UBQLN1: variants seen among roughly 807,000 people sequenced by gnomAD.
UBQLN1 encodes ubiquilin 1.
A neutral mutation model predicts 65.4 loss-of-function variants in UBQLN1; 13 were observed. The observed-to-expected ratio is 0.20, with a 90% CI of 0.13 to 0.32. The LOEUF is 0.32. Ranked by LOEUF, UBQLN1 falls within the 10% of genes least tolerant of loss-of-function variation. UBQLN1 has a pLI of 1.00. For synonymous variants in UBQLN1, 267 were observed against 247.8 expected (o/e 1.08, Z -0.73); for missense variants, 561 against 724.0 (o/e 0.77, Z 2.58).
intron 8 of UBQLN1, chr9:83,665,370 A>T (rs1444393894): frequency 5.2e-6 from 2 of 381,978 alleles, no homozygotes; most frequent in Admixed American, 4.5e-5. Flanking sequence ...CATGAAAGCC[A>T]TTTCCATAAT....
intron 3 of UBQLN1, 115 bp downstream of exon 3, chr9:83,682,836 T>A (rs912259670): frequency 2.7e-5 from 14 of 511,850 alleles, no homozygotes; most frequent in Middle Eastern, 5.1e-4. Flanking sequence ...TTTTTTTTTT[T>A]AATTTTTGTT....
intron 1 of UBQLN1, among the ~76,000 whole-genome samples, chr9:83,706,132 A>G (rs1405790635): frequency 6.6e-6 from 1 of 152,204 alleles, no homozygotes; most frequent in Non-Finnish European, 1.5e-5. Context: ...ACGTCAAAAA[A>G]ACGTAAAAAA....
chr9:83,683,146 C>T, intron 2 of UBQLN1, 80 bp from the exon 3 acceptor site: 1 of 969,150 alleles, frequency 1.0e-6, no homozygotes, highest in Non-Finnish European at 1.6e-6. Flanking sequence ...GGCACAGTGG[C>T]TCACGCCTGT....
At position 83,669,058 on chromosome 9, in the gene UBQLN1, C is replaced by G. The variant is rs955468426; in HGVS notation, c.1248+127G>C. 3 of 1,117,890 alleles carry G rather than the reference C, an allele frequency of 2.7e-6. No individual in the cohort carries two copies. The African/African-American group carries it at 4.9e-5, about 18-fold the overall frequency. The allele number at this position is 1,117,890 out of a possible 1,614,324, so 69.2% of individuals were successfully genotyped here. Reference sequence around the variant, plus strand: ...CACACGGTCTAAAAAATTGGAGACACAGTTTACTTATTTTTCTAGTGTATT... The same window carrying G: ...CACACGGTCTAAAAAATTGGAGACAGAGTTTACTTATTTTTCTAGTGTATT... On this transcript the variant is annotated intron_variant, in intron 7 of 10. Coordinates refer to ENST00000376395, the MANE Select transcript of UBQLN1 (RefSeq NM_013438.5).
chr9:83,671,173 T>C (rs1267634539), intron 6 of UBQLN1, among the ~76,000 whole-genome samples: 1 of 152,130 alleles, frequency 6.6e-6, no homozygotes, highest in African/African-American at 2.4e-5. Context: ...TTCCACTACT[T>C]CTACAGTCCC....
rs778447675 is a variant in UBQLN1, at chr9:83,677,891, G to C, written c.941C>G (p.Thr314Arg). 6.2e-7 allele frequency: 1 copy of C among 1,614,154 alleles called. No homozygotes were observed. The highest frequency in any genetic ancestry group is 8.5e-7 in the Non-Finnish European group (1 of 1,180,038). The change falls in exon 6 of 11, where the codon ACA becomes AGA. Residue 314 changes from threonine to arginine, a missense_variant. Physicochemically the swap from Thr to Arg is moderately conservative, Grantham distance 71. Around this residue, in one of 8 missense-constraint regions of UBQLN1, gnomAD observed 89 missense variants for 77.8 expected, o/e 1.14. Transcript: ENST00000376395. ...SSGEGSQPSR[T>R]ENRDPLPNPW... Reference sequence around the variant, plus strand: ...ATTGGGTAGTGGATCTCTATTTTCTGTACGGGAAGGTTGACTACCTTCACC... The same window carrying C: ...ATTGGGTAGTGGATCTCTATTTTCTCTACGGGAAGGTTGACTACCTTCACC...
chr9:83,697,908 G>T (rs1438664184), intron 1 of UBQLN1, among the ~76,000 whole-genome samples: 1 of 151,906 alleles, frequency 6.6e-6, no homozygotes, highest in Non-Finnish European at 1.5e-5. Context: ...GGCAAATCTT[G>T]TATCTTTAGT....
In UBQLN1 at chr9:83,661,936, G is replaced by C; in HGVS notation, c.1621C>G (p.Gln541Glu). The C allele has an allele frequency of 6.2e-7, 1 of 1,607,732 alleles. No individual in the cohort carries two copies. Among genetic ancestry groups the C allele is most frequent in the Non-Finnish European group, 8.5e-7 (1 of 1,177,486 alleles). The change falls in exon 11 of 11, where the codon CAG (glutamine) becomes GAG (glutamate). Residue 541 changes from glutamine to glutamate, a missense_variant. Gln to Glu is a conservative substitution (Grantham distance 29). Around this residue, in one of 8 missense-constraint regions of UBQLN1, gnomAD observed 68 missense variants for 62.2 expected, o/e 1.09. Transcript: ENST00000376395. The part of the protein sequence containing the change: ...QALAGVNPQL[Q>E]NPEVRFQQQL... ...TGCTGAAATCTGACTTCTGGATTCT[G>C]TAGCTATTAAAGAAAAAAAAAATTA...
At chr9:83,687,138 T>C (rs1423489006) in intron 1 of UBQLN1, among the ~76,000 whole-genome samples, 1 of 152,018 alleles carries the variant, frequency 6.6e-6, no homozygotes, top group Non-Finnish European at 1.5e-5. Flanking sequence ...GAGAGTCAAG[T>C]AAAACCATGA....
Position 83,686,067 on chromosome 9 carries a change from G to A in UBQLN1, c.269C>T (p.Thr90Ile), listed in dbSNP as rs769952869. ...ATCATGAATTCCATGCTGACTCAAGGTATCTTGATCTTTCAAAATTTTTCC... is the reference window on the plus strand; with the variant it reads ...ATCATGAATTCCATGCTGACTCAAGATATCTTGATCTTTCAAAATTTTTCC... ...FAGKILKDQD[T>I]LSQHGIHDGL... Residue 90 changes from threonine (T) to isoleucine (I), a missense_variant, in exon 2 of 11, where the codon ACC (threonine) becomes ATC (isoleucine). Thr to Ile is a moderately conservative substitution (Grantham distance 89, BLOSUM62 -1). Around this residue, in one of 8 missense-constraint regions of UBQLN1, gnomAD observed 18 missense variants for 45.1 expected, o/e 0.40. Transcript: ENST00000376395. 21 of 1,605,628 alleles carry A rather than the reference G, an allele frequency of 1.3e-5. No homozygotes were observed. Among genetic ancestry groups the A allele is most frequent in the Non-Finnish European group, 3.4e-6 (4 of 1,177,564 alleles).
chr9:83,662,267 T>TAC (rs141475396), intron 10 of UBQLN1, among the ~76,000 whole-genome samples: 2 of 128,990 alleles, frequency 1.6e-5, no homozygotes, highest in East Asian at 2.1e-4. Flanking sequence ...TATATACATA[T>TAC]ACATATACAC....
chr9:83,675,468 C>CAAA (rs56889142), intron 6 of UBQLN1, among the ~76,000 whole-genome samples: 1 of 140,806 alleles, frequency 7.1e-6, no homozygotes. Context: ...CCTATGCCGT[C>CAAA]AAAAAAAAAA....
intron 7 of UBQLN1, chr9:83,667,575 T>C (rs1831662119): frequency 1.0e-6 from 1 of 985,312 alleles, no homozygotes. Context: ...TCATACAGGC[T>C]TAAGGTCAAC....
chr9:83,668,038 T>TATA, intron 7 of UBQLN1: 1 of 985,404 alleles, frequency 1.0e-6, no homozygotes, highest in Non-Finnish European at 1.2e-6. Context: ...CATTCAGTAT[T>TATA]AGCCAAATAC....
chr9:83,694,589 T>C (rs990797138), intron 1 of UBQLN1, among the ~76,000 whole-genome samples: 11 of 152,334 alleles, frequency 7.2e-5, no homozygotes, highest in African/African-American at 2.4e-4. Context: ...CAAATGTTAG[T>C]GTATCGTTCA....
At position 83,665,370 on chromosome 9, in the gene UBQLN1, AT is replaced by A. The variant is rs10712610; in HGVS notation, c.1333-226del. On this transcript the variant is annotated intron_variant, in intron 8 of 10. Coordinates refer to ENST00000376395, the MANE Select transcript of UBQLN1 (RefSeq NM_013438.5). ...TCCTCCTAAGTCCATCATGAAAGCC[AT>A]TTCCATAATGGAAGAAAATCAGGAG... 8.2e-3 allele frequency: 3,145 copies of A among 382,086 alleles called. 98 individuals are homozygous for A. Among genetic ancestry groups the A allele is most frequent in the African/African-American group, 0.057 (2,768 of 48,340 alleles). The allele number at this position is 382,086 out of a possible 1,614,324, so 23.7% of individuals were successfully genotyped here.
chr9:83,702,106 A>G (rs1336781350), intron 1 of UBQLN1, among the ~76,000 whole-genome samples: 1 of 152,168 alleles, frequency 6.6e-6, no homozygotes, highest in African/African-American at 2.4e-5. Context: ...GAACAAGCAA[A>G]TCTATAGACA....
intron 6 of UBQLN1, among the ~76,000 whole-genome samples, chr9:83,673,504 T>C (rs1200834380): frequency 7.8e-6 from 1 of 128,116 alleles, no homozygotes; most frequent in Admixed American, 8.8e-5. Flanking sequence ...GTGATCATGC[T>C]ACTGCACTCC....
chr9:83,669,174 T>TA lies in UBQLN1; in HGVS notation c.1248+10dup. On this transcript the variant is annotated intron_variant, in intron 7 of 10. Transcript: ENST00000376395. ...ACTGCACAGTCTTTTTCAATACAAT[T>TA]ACAAACTCACCTGTGCAGCAAGGTC... is the stretch of plus-strand genomic sequence containing the variant. 6.2e-7 allele frequency: 1 copy of TA among 1,600,472 alleles called. No homozygotes were observed. The highest frequency in any genetic ancestry group is 2.2e-5 in the East Asian group (1 of 44,678).
Sources: allele counts gnomAD v4.1 joint callset (sites outside exome capture counted in the v4.1 genomes callset), GRCh38; gene constraint gnomAD v4.1.1; regional missense constraint gnomAD v4.1.1; transcripts MANE v1.5; gene names NCBI Gene and HGNC (gene_info 2026-07-23, HGNC 2026-07-21).